The following DOCK4 variants were observed in gnomAD, a reference collection of about 807,000 sequenced individuals.
DOCK4 encodes dedicator of cytokinesis protein 4.
In DOCK4, 97 loss-of-function variants were observed where a neutral mutation model predicts 268.1. The observed-to-expected ratio is 0.36, with a 90% CI of 0.31 to 0.43. The LOEUF (loss-of-function observed/expected upper bound fraction) is 0.43. DOCK4 is among the 20% of genes least tolerant of loss of function. DOCK4 has a pLI of 1.00. For synonymous variants in DOCK4, 954 were observed against 887.2 expected (o/e 1.08, Z -1.34); for missense variants, 2,145 against 2,455.7 (o/e 0.87, Z 2.67).
At chr7:111,864,192 T>C (rs1164770186) in intron 22 of DOCK4, among the ~76,000 whole-genome samples, 1 of 151,328 alleles carries the variant, frequency 6.6e-6, no homozygotes, top group Non-Finnish European at 1.5e-5. Flanking sequence ...TGCTTCAAGA[T>C]CTATTTTAAA....
intron 1 of DOCK4, among the ~76,000 whole-genome samples, chr7:112,145,653 C>T (rs76801634): frequency 1.2e-4 from 18 of 152,214 alleles, no homozygotes; most frequent in East Asian, 1.9e-4. Context: ...TTTCCTTTAA[C>T]GCACACCAAA....
chr7:112,065,234 T>C (rs1200290795), intron 1 of DOCK4, among the ~76,000 whole-genome samples: 3 of 152,030 alleles, frequency 2.0e-5, no homozygotes, highest in African/African-American at 7.3e-5. Flanking sequence ...CCTCAATCCC[T>C]GACACAAGCC....
chr7:112,133,180 T>C (rs1294278261), intron 1 of DOCK4, among the ~76,000 whole-genome samples: 2 of 152,158 alleles, frequency 1.3e-5, no homozygotes, highest in Non-Finnish European at 2.9e-5. Flanking sequence ...CAGGCTATAC[T>C]GATGGAGGCC....
chr7:112,064,747 T>C (rs1048252770), intron 1 of DOCK4, among the ~76,000 whole-genome samples: 1 of 152,104 alleles, frequency 6.6e-6, no homozygotes, highest in African/African-American at 2.4e-5. Flanking sequence ...TATTTGGAGA[T>C]GGGGCCTTTA....
chr7:111,796,389 C>T (rs56023712), intron 30 of DOCK4, among the ~76,000 whole-genome samples: 3,827 of 152,304 alleles, frequency 0.025, 183 homozygotes, highest in African/African-American at 0.088. Flanking sequence ...GGACACATTG[C>T]TAGTTCTCTG....
intron 1 of DOCK4, among the ~76,000 whole-genome samples, chr7:112,024,180 T>A (rs1448926921): frequency 6.6e-6 from 1 of 152,222 alleles, no homozygotes; most frequent in Non-Finnish European, 1.5e-5. Flanking sequence ...ATAATCAATG[T>A]GCCTTAAAAA....
At chr7:111,807,019 GC>G (rs1477464158) in intron 30 of DOCK4, among the ~76,000 whole-genome samples, 1 of 152,210 alleles carries the variant, frequency 6.6e-6, no homozygotes, top group Admixed American at 6.5e-5. Flanking sequence ...TTATTTAGCA[GC>G]CCAAGGGTCA....
At chr7:111,954,358 T>C (rs1586483841) in intron 8 of DOCK4, among the ~76,000 whole-genome samples, 1 of 152,156 alleles carries the variant, frequency 6.6e-6, no homozygotes, top group Non-Finnish European at 1.5e-5. Flanking sequence ...CAGTGGCCGC[T>C]GGACTACGGG....
chr7:111,978,117 A>C (rs1798345524), intron 7 of DOCK4, among the ~76,000 whole-genome samples: 1 of 152,232 alleles, frequency 6.6e-6, no homozygotes, highest in African/African-American at 2.4e-5. Context: ...AAAATCAGAA[A>C]CAGTTCACAC....
chr7:112,007,217 C>T (rs1169296640), intron 1 of DOCK4, among the ~76,000 whole-genome samples: 1 of 152,048 alleles, frequency 6.6e-6, no homozygotes, highest in Non-Finnish European at 1.5e-5. Flanking sequence ...TACAGCACTT[C>T]GTCTATCTGT....
intron 12 of DOCK4, among the ~76,000 whole-genome samples, chr7:111,921,308 A>C (rs955440128): frequency 6.6e-6 from 1 of 152,230 alleles, no homozygotes; most frequent in African/African-American, 2.4e-5. Flanking sequence ...ACACGAAAGA[A>C]AGGCTTGGTA....
chr7:112,111,464 C>T (rs17159277), intron 1 of DOCK4, among the ~76,000 whole-genome samples: 4,014 of 152,282 alleles, frequency 0.026, 158 homozygotes, highest in African/African-American at 0.087. Context: ...CCAGTTTATA[C>T]TGACATCATT....
At position 112,141,899 on chromosome 7, in the gene DOCK4, T is replaced by C. The variant is rs966639282; in HGVS notation, c.37+64203A>G. Among the ~76,000 whole-genome samples, 4 of 152,188 alleles carry C rather than the reference T, an allele frequency of 2.6e-5. No homozygotes were observed. In the East Asian group the frequency reaches 5.8e-4, roughly 22 times the overall value. ...GCCAGATTGCAATTGGGGCCAGTGC[T>C]ACTAAATGCTCCATTTGTTCAAGAG... On this transcript the variant is annotated intron_variant, in intron 1 of 52. Coordinates refer to ENST00000428084, the MANE Select transcript of DOCK4 (RefSeq NM_001363540.2).
chr7:111,934,530 T>G lies in DOCK4; in HGVS notation c.1066+1010A>C, dbSNP rs1034398635. The stretch of plus-strand genomic sequence containing the variant: ...ATGTTTTGTTTTGTTTTTGTTTTTT[T>G]TTTTTTTTTTTTTTTTTTAGACAGT... On this transcript the variant is annotated intron_variant, in intron 12 of 52. Coordinates refer to ENST00000428084, the MANE Select transcript of DOCK4 (RefSeq NM_001363540.2). Among the ~76,000 whole-genome samples the G allele has an allele frequency of 3.7e-3, 492 of 134,314 alleles. 1 individual carries two copies. The highest frequency in any genetic ancestry group is 0.014 in the African/African-American group (454 of 32,862). The allele number at this position is 134,314 out of a possible 152,430, so 88.1% of individuals were successfully genotyped here. A position where few individuals can be genotyped will look rare whatever the true frequency, so the allele number is the denominator to read the frequency against.
At chr7:112,080,724 CA>C in intron 1 of DOCK4, among the ~76,000 whole-genome samples, 1 of 152,284 alleles carries the variant, frequency 6.6e-6, no homozygotes, top group African/African-American at 2.4e-5. Flanking sequence ...TCGTTCAACG[CA>C]TATTTACACA....
At chr7:111,767,227 C>CATTTT in intron 37 of DOCK4, 109 bp from the exon 38 acceptor site, 1 of 464,828 alleles carries the variant, frequency 2.2e-6, no homozygotes, top group African/African-American at 2.6e-5. Flanking sequence ...ACTCCTTAAT[C>CATTTT]TTTTTTTTTT....
rs144464289 is a variant in DOCK4 at position 111,838,790 on chromosome 7, T to G, written c.2737-4104A>C. 5.3e-5 allele frequency among the ~76,000 whole-genome samples: 8 copies of G among 152,230 alleles called. No homozygotes were observed. The East Asian group carries it at 1.5e-3, about 29-fold the overall frequency. ...TGATGAATGTATTTGCTATCCTGATTGTGGTGATGTTTCATAGGAATACAC... is the reference window on the plus strand; with the variant it reads ...TGATGAATGTATTTGCTATCCTGATGGTGGTGATGTTTCATAGGAATACAC... On this transcript the variant is annotated intron_variant, in intron 25 of 52. Coordinates refer to ENST00000428084, the MANE Select transcript of DOCK4 (RefSeq NM_001363540.2).
chr7:111,874,673 G>A (rs1157346244), intron 17 of DOCK4, among the ~76,000 whole-genome samples: 1 of 152,132 alleles, frequency 6.6e-6, no homozygotes, highest in African/African-American at 2.4e-5. Flanking sequence ...CATTCAACAG[G>A]CATTTACTAG....
chr7:112,076,736 T>C (rs1808100545), intron 1 of DOCK4, among the ~76,000 whole-genome samples: 1 of 152,134 alleles, frequency 6.6e-6, no homozygotes, highest in Non-Finnish European at 1.5e-5. Flanking sequence ...AGAAATCATT[T>C]TTCATTTAAA....
Sources: allele counts gnomAD v4.1 joint callset (sites outside exome capture counted in the v4.1 genomes callset), GRCh38; gene constraint gnomAD v4.1.1; transcripts MANE v1.5; gene names NCBI Gene and HGNC (gene_info 2026-07-23, HGNC 2026-07-21).